CDH4: variants seen among roughly 807,000 people sequenced by gnomAD.
The protein encoded by CDH4 is cadherin 4, also known as cadherin-4.
In CDH4, 33 loss-of-function variants were observed where a neutral mutation model predicts 86.0. The ratio of observed to expected loss-of-function variants is 0.38; its 90% CI spans 0.29 to 0.51. CDH4 has a LOEUF of 0.51. Among genes scored for constraint, CDH4 ranks in the 20% least tolerant of loss-of-function variants. The probability of loss-of-function intolerance (pLI) is 0.86; values close to 1 mark genes in which losing one functional copy is unlikely to be tolerated. For synonymous variants in CDH4, 555 were observed against 549.4 expected, an observed-to-expected ratio of 1.01 and a Z score of -0.14; for missense variants, 1,114 against 1,307.4, an observed-to-expected ratio of 0.85 and a Z score of 2.28.
At chr20:61,309,054 C>A (rs1159277319) in intron 2 of CDH4, among the ~76,000 whole-genome samples, 3 of 152,214 alleles carry the variant, frequency 2.0e-5, no homozygotes, top group African/African-American at 7.2e-5. Flanking sequence ...AAATTTGGAG[C>A]CCCTTGTTAA....
chr20:61,580,604 T>C (rs763768524), intron 2 of CDH4, among the ~76,000 whole-genome samples: 7 of 151,558 alleles, frequency 4.6e-5, no homozygotes, highest in Non-Finnish European at 8.8e-5. Context: ...TGCTGTGCGC[T>C]GAAGGCAGCC....
At chr20:61,496,875 A>G (rs918533026) in intron 2 of CDH4, among the ~76,000 whole-genome samples, 1 of 151,028 alleles carries the variant, frequency 6.6e-6, no homozygotes, top group South Asian at 2.1e-4. Context: ...AGCTTGGGCT[A>G]TGATGGGTGA....
At chr20:61,864,126 G>A (rs114020357) in intron 6 of CDH4, among the ~76,000 whole-genome samples, 2,240 of 152,362 alleles carry the variant, frequency 0.015, 61 homozygotes, top group African/African-American at 0.05. Context: ...GGCCTAAGAC[G>A]GTGGAGGCAG....
chr20:61,937,273 C>T lies in CDH4; in HGVS notation c.*330C>T, dbSNP rs962382748. On this transcript the variant is annotated 3_prime_UTR_variant, in exon 16 of 16. Coordinates refer to ENST00000614565, the MANE Select transcript of CDH4 (RefSeq NM_001794.5). Reference sequence around the variant, plus strand: ...AGAAAAAAAAAAAAAAAAGAAAGTGCCTTTTGGTACATGTATCAGATTCCC... The same window carrying T: ...AGAAAAAAAAAAAAAAAAGAAAGTGTCTTTTGGTACATGTATCAGATTCCC... 5.7e-6 allele frequency: 1 copy of T among 174,790 alleles called. No individual in the cohort carries two copies. The highest frequency in any genetic ancestry group is 2.6e-5 in the African/African-American group (1 of 38,540). 10.8% of individuals were successfully genotyped at this position (174,790 alleles called of 1,614,324 possible).
chr20:61,389,623 A>G (rs2084970065), intron 2 of CDH4, among the ~76,000 whole-genome samples: 1 of 152,198 alleles, frequency 6.6e-6, no homozygotes, highest in Non-Finnish European at 1.5e-5. Flanking sequence ...GTTGTTCTAT[A>G]GATCGACGCT....
intron 2 of CDH4, among the ~76,000 whole-genome samples, chr20:61,558,563 C>T (rs1017328531): frequency 2.0e-5 from 3 of 152,248 alleles, no homozygotes; most frequent in Non-Finnish European, 4.4e-5. Flanking sequence ...ACCAGTACTG[C>T]CTCACGCAGT....
chr20:61,706,654 C>T (rs1027523667), intron 2 of CDH4, among the ~76,000 whole-genome samples: 7 of 152,096 alleles, frequency 4.6e-5, no homozygotes, highest in Admixed American at 1.3e-4. Flanking sequence ...CGGTTTCTCC[C>T]GAGCTGCACA....
intron 2 of CDH4, among the ~76,000 whole-genome samples, chr20:61,507,390 G>A (rs891060542): frequency 1.3e-5 from 2 of 152,174 alleles, no homozygotes; most frequent in South Asian, 4.1e-4. Flanking sequence ...TGGAAGCCAG[G>A]AATCCAAATG....
At position 61,910,356 on chromosome 20, in the gene CDH4, G is replaced by C. The variant is rs562642027; in HGVS notation, c.1189-66G>C. 3.9e-5 allele frequency: 54 copies of C among 1,394,950 alleles called. No homozygotes were observed. In the African/African-American group the frequency reaches 6.9e-4, roughly 18 times the overall value. The allele number at this position is 1,394,950 out of a possible 1,614,324, so 86.4% of individuals were successfully genotyped here. On this transcript the variant is annotated intron_variant, in intron 8 of 15. Coordinates refer to ENST00000614565, the MANE Select transcript of CDH4 (RefSeq NM_001794.5). ...ACTCGTTGAGCTGCACATATGCTAC[G>C]TGCACTTCTCTGTGCATATTTACAC...
In CDH4 at chr20:61,501,162, G is replaced by T. The variant is rs1196064727; in HGVS notation, c.170-242401G>T. Among the ~76,000 whole-genome samples, 3 of 152,194 alleles carry T rather than the reference G, an allele frequency of 2.0e-5. No individual in the cohort carries two copies. Among genetic ancestry groups the T allele is most frequent in the Non-Finnish European group, 4.4e-5 (3 of 68,046 alleles). On this transcript the variant is annotated intron_variant, in intron 2 of 15. Coordinates refer to ENST00000614565, the MANE Select transcript of CDH4 (RefSeq NM_001794.5). The surrounding 1 kb of genome is among the most constrained non-coding windows in gnomAD (Gnocchi z 4.2). ...AACAGGCCACATCCGCTCCTGCTCT[G>T]AGCTACAATAGACTCAGGCTGGGGG...
At position 61,377,834 on chromosome 20, in the gene CDH4, C is replaced by G. The variant is rs144087986; in HGVS notation, c.169+122897C>G. 3.9e-5 allele frequency among the ~76,000 whole-genome samples: 6 copies of G among 152,370 alleles called. No individual in the cohort carries two copies. The East Asian group carries it at 1.2e-3, about 29-fold the overall frequency. On this transcript the variant is annotated intron_variant, in intron 2 of 15. Coordinates refer to ENST00000614565, the MANE Select transcript of CDH4 (RefSeq NM_001794.5). The surrounding 1 kb of genome is among the most constrained non-coding windows in gnomAD (Gnocchi z 4.0). ...CCTTAGAAGGCTGGAGGCCTGTCCT[C>G]TGTAGCAGAAGGGAGATCAATGCAG...
chr20:61,461,941 A>G (rs533403594), intron 2 of CDH4, among the ~76,000 whole-genome samples: 1 of 152,210 alleles, frequency 6.6e-6, no homozygotes, highest in East Asian at 1.9e-4. Flanking sequence ...GAAGATGCCC[A>G]TTAAAGATGG....
intron 2 of CDH4, among the ~76,000 whole-genome samples, chr20:61,722,646 A>T (rs6061768): frequency 0.33 from 34,147 of 104,858 alleles, 8,663 homozygotes; most frequent in African/African-American, 0.67. Context: ...CCCCCCACGC[A>T]TGCACAGTGG....
chr20:61,497,327 ATTTG>A (rs1207522517), intron 2 of CDH4, among the ~76,000 whole-genome samples: 1 of 151,928 alleles, frequency 6.6e-6, no homozygotes, highest in Non-Finnish European at 1.5e-5. Context: ...GTGTTAATTA[ATTTG>A]TTTTAGAATT....
rs1180686515 is a variant in CDH4 at position 61,360,884 on chromosome 20, AAAG to A, written c.169+105952_169+105954del. 5.3e-5 allele frequency among the ~76,000 whole-genome samples: 8 copies of A among 152,232 alleles called. No individual in the cohort carries two copies. The South Asian group carries it at 1.4e-3, about 28-fold the overall frequency. ...AGTTTTAACCCCATCCATCAAACAA[AAAG>A]AAGACGGACTGGTTATTCCCATTTC... is the stretch of plus-strand genomic sequence containing the variant. On this transcript the variant is annotated intron_variant, in intron 2 of 15. Coordinates refer to ENST00000614565, the MANE Select transcript of CDH4 (RefSeq NM_001794.5).
chr20:61,492,256 A>G (rs1028876601), intron 2 of CDH4, among the ~76,000 whole-genome samples: 17 of 139,950 alleles, frequency 1.2e-4, no homozygotes, highest in African/African-American at 4.6e-4. Flanking sequence ...GCTGATGCTG[A>G]TGGTGGTGTC....
intron 9 of CDH4, among the ~76,000 whole-genome samples, chr20:61,917,896 A>T (rs2054922538): frequency 6.6e-6 from 1 of 152,266 alleles, no homozygotes; most frequent in South Asian, 2.1e-4. Flanking sequence ...CTCCTTGCTC[A>T]GGCTGGTGAC....
At chr20:61,280,844 C>T (rs1467465784) in intron 2 of CDH4, among the ~76,000 whole-genome samples, 2 of 152,146 alleles carry the variant, frequency 1.3e-5, no homozygotes, top group Admixed American at 6.5e-5. Flanking sequence ...GCTCTCACCT[C>T]GCTACCCTCC....
rs183056493 is a variant in CDH4 at position 61,937,144 on chromosome 20, C to T, written c.*201C>T. 7.2e-4 allele frequency: 255 copies of T among 353,380 alleles called. 1 individual carries two copies. The highest frequency in any genetic ancestry group is 3.8e-3 in the East Asian group (86 of 22,796). 21.9% of individuals were successfully genotyped at this position (353,380 alleles called of 1,614,324 possible). A position where few individuals can be genotyped will look rare whatever the true frequency, so the allele number is the denominator to read the frequency against. On this transcript the variant is annotated 3_prime_UTR_variant, in exon 16 of 16. Transcript: ENST00000614565. The stretch of plus-strand genomic sequence containing the variant: ...TGCACCCGGCCGCTGCCCAGCACCG[C>T]GCTGGCTGGCACTGAAGGACAGCAA...
Sources: allele counts gnomAD v4.1 joint callset (sites outside exome capture counted in the v4.1 genomes callset), GRCh38; gene constraint gnomAD v4.1.1; non-coding constraint Gnocchi (gnomAD v3.1); transcripts MANE v1.5; gene names NCBI Gene and HGNC (gene_info 2026-07-23, HGNC 2026-07-21).